Variants in P3H2 observed in about 807,000 individuals in gnomAD.
The protein encoded by P3H2 is prolyl 3-hydroxylase 2, also known as leprecan-like 1.
A neutral mutation model predicts 87.0 loss-of-function variants in P3H2; 80 were observed. The observed-to-expected ratio is 0.92, with a 90% CI of 0.77 to 1.11. The LOEUF is 1.11. Ranked by LOEUF, P3H2 falls within the 50% of genes least tolerant of loss-of-function variation. The pLI, the probability that P3H2 is intolerant of heterozygous loss-of-function variation, is 0.00. For missense variants in P3H2, 1,001 were observed against 923.9 expected (o/e 1.08, Z -1.08); for synonymous variants, 367 against 359.3 (o/e 1.02, Z -0.24).
intron 1 of P3H2, among the ~76,000 whole-genome samples, chr3:190,045,404 A>C (rs1725768086): frequency 6.6e-6 from 1 of 152,178 alleles, no homozygotes; most frequent in Non-Finnish European, 1.5e-5. Context: ...ATCTGAAAAA[A>C]ATTCAAATTT....
rs1712548721 is a variant in P3H2, at chr3:190,120,776, T to C, written c.-45A>G. 8.0e-6 allele frequency: 12 copies of C among 1,502,426 alleles called. No individual in the cohort carries two copies. Among genetic ancestry groups the C allele is most frequent in the Non-Finnish European group, 9.7e-6 (11 of 1,131,452 alleles). The allele number at this position is 1,502,426 out of a possible 1,614,324, so 93.1% of individuals were successfully genotyped here. A position where few individuals can be genotyped will look rare whatever the true frequency, so the allele number is the denominator to read the frequency against. ...CGGGACGGTTACGCTCGAGAGGGCT[T>C]CGGGGCACCTCGCGTCCGGGTCCCC... is the stretch of plus-strand genomic sequence containing the variant. On this transcript the variant is annotated 5_prime_UTR_variant, in exon 1 of 15. Transcript: ENST00000319332.
intron 1 of P3H2, among the ~76,000 whole-genome samples, chr3:189,999,779 G>A (rs1724154544): frequency 1.3e-5 from 2 of 152,180 alleles, no homozygotes; most frequent in Non-Finnish European, 2.9e-5. Context: ...TGGTATTGAC[G>A]TTTAGGGGAG....
intron 1 of P3H2, among the ~76,000 whole-genome samples, chr3:190,029,997 C>A (rs1010567210): frequency 8.0e-6 from 1 of 125,190 alleles, no homozygotes. Context: ...AGTTAAACTC[C>A]GTCTCAAAAA....
At chr3:189,999,926 T>G (rs1577264026) in intron 1 of P3H2, among the ~76,000 whole-genome samples, 1 of 152,160 alleles carries the variant, frequency 6.6e-6, no homozygotes, top group African/African-American at 2.4e-5. Flanking sequence ...TCATACTGTA[T>G]GGACAAAGAA....
intron 1 of P3H2, among the ~76,000 whole-genome samples, chr3:190,053,731 T>C (rs1726061350): frequency 6.6e-6 from 1 of 152,168 alleles, no homozygotes; most frequent in African/African-American, 2.4e-5. Flanking sequence ...GTGCTGGGAT[T>C]ACAGGAATGA....
At chr3:189,970,711 T>C (rs754102916) in intron 13 of P3H2, 105 bp downstream of exon 13, 39 of 734,054 alleles carry the variant, frequency 5.3e-5, no homozygotes, top group Non-Finnish European at 8.7e-5. Flanking sequence ...TCTTGAAATC[T>C]TGAGCTCAGA....
intron 1 of P3H2, among the ~76,000 whole-genome samples, chr3:190,051,586 G>A (rs1274217847): frequency 1.3e-5 from 2 of 152,194 alleles, no homozygotes; most frequent in East Asian, 3.8e-4. Context: ...CCTGCCATTT[G>A]GCAAATTCAA....
intron 1 of P3H2, among the ~76,000 whole-genome samples, chr3:190,043,242 T>C (rs766801518): frequency 3.3e-4 from 50 of 152,340 alleles, no homozygotes; most frequent in South Asian, 8.3e-4. Context: ...AGGCTTATTA[T>C]GTACCTTCAT....
chr3:189,995,579 G>C (rs1724031523), intron 1 of P3H2, 137 bp from the exon 2 acceptor site: 3 of 862,908 alleles, frequency 3.5e-6, no homozygotes, highest in Non-Finnish European at 5.3e-6. Context: ...TTATCAGACA[G>C]GCAATAAAAA....
chr3:190,089,100 C>G (rs1727322786), intron 1 of P3H2, among the ~76,000 whole-genome samples: 1 of 152,168 alleles, frequency 6.6e-6, no homozygotes, highest in Non-Finnish European at 1.5e-5. Context: ...CTCCTAGGGC[C>G]AGCATTCATG....
At chr3:189,994,309 C>CAAAA (rs746870590) in intron 2 of P3H2, 26 bp from the exon 3 acceptor site, 2 of 1,401,110 alleles carry the variant, frequency 1.4e-6, no homozygotes, top group Non-Finnish European at 2.0e-6. Flanking sequence ...CGGGAAAAAA[C>CAAAA]AAACAAACAA....
rs530326935 is a variant in P3H2, at chr3:189,972,851, A to T, written c.1699+23T>A. ...CCCAATGTATTGTGGGTAAAAGGGA[A>T]CCATTTCAGACTGCAATCTCACCAG... is the stretch of plus-strand genomic sequence containing the variant. On this transcript the variant is annotated intron_variant, in intron 11 of 14. Coordinates refer to ENST00000319332, the MANE Select transcript of P3H2 (RefSeq NM_018192.4). 1,121 of 1,613,696 alleles carry T rather than the reference A, an allele frequency of 6.9e-4. 13 individuals are homozygous for T. The South Asian group carries it at 0.011, about 16-fold the overall frequency.
chr3:189,957,725 A>AGAGAGAGAG lies in P3H2; in HGVS notation c.*186_*187insCTCTCTCTC. The AGAGAGAGAG allele has an allele frequency of 1.6e-6, 1 of 608,842 alleles. No homozygotes were observed. The highest frequency in any genetic ancestry group is 1.9e-5 in the African/African-American group (1 of 53,224). The allele number at this position is 608,842 out of a possible 1,614,324, so 37.7% of individuals were successfully genotyped here. A position where few individuals can be genotyped will look rare whatever the true frequency, so the allele number is the denominator to read the frequency against. On this transcript the variant is annotated 3_prime_UTR_variant, in exon 15 of 15. Coordinates refer to ENST00000319332, the MANE Select transcript of P3H2 (RefSeq NM_018192.4). Reference sequence around the variant, plus strand: ...AAGAGAGAGAGAGAGAGAGAGAGAGAAAACAACCCAAAACAAGAAAGATAG... The same window carrying AGAGAGAGAG: ...AAGAGAGAGAGAGAGAGAGAGAGAGAGAGAGAGAGAAACAACCCAAAACAAGAAAGATAG...
chr3:190,113,033 G>A (rs925053241), intron 1 of P3H2, among the ~76,000 whole-genome samples: 3 of 152,172 alleles, frequency 2.0e-5, no homozygotes, highest in Admixed American at 2.0e-4. Context: ...TCATGTGAAT[G>A]AAAGTGCAGG....
intron 8 of P3H2, among the ~76,000 whole-genome samples, chr3:189,976,425 A>G (rs529484789): frequency 1.4e-4 from 21 of 152,352 alleles, no homozygotes; most frequent in African/African-American, 4.1e-4. Flanking sequence ...GAGCTTGTGC[A>G]GGGAAACTCC....
At chr3:190,079,341 AAAAT>A (rs200007107) in intron 1 of P3H2, among the ~76,000 whole-genome samples, 30,271 of 141,810 alleles carry the variant, frequency 0.21, 3,298 homozygotes, top group African/African-American at 0.24. Context: ...TCTGTCTCAA[AAAAT>A]AAATAAATAA....
intron 1 of P3H2, among the ~76,000 whole-genome samples, chr3:190,072,700 TGTAA>T (rs922869931): frequency 3.5e-4 from 54 of 152,324 alleles, no homozygotes; most frequent in African/African-American, 1.0e-3. Flanking sequence ...TCAAAAATTT[TGTAA>T]GTATCATTTT....
intron 2 of P3H2, among the ~76,000 whole-genome samples, chr3:189,994,514 T>A (rs1246570272): frequency 6.6e-6 from 1 of 152,174 alleles, no homozygotes; most frequent in Non-Finnish European, 1.5e-5. Context: ...AATAGATTGC[T>A]ATGTGATCAG....
chr3:190,055,531 T>G (rs975764019), intron 1 of P3H2, among the ~76,000 whole-genome samples: 1 of 123,980 alleles, frequency 8.1e-6, no homozygotes, highest in East Asian at 2.1e-4. Context: ...GTGCTTTTTT[T>G]TTTTTTCTCC....
Sources: allele counts gnomAD v4.1 joint callset (sites outside exome capture counted in the v4.1 genomes callset), GRCh38; gene constraint gnomAD v4.1.1; transcripts MANE v1.5; gene names NCBI Gene and HGNC (gene_info 2026-07-23, HGNC 2026-07-21).